Variants in GALNTL6 observed in about 807,000 individuals in gnomAD.
GALNTL6 encodes polypeptide N-acetylgalactosaminyltransferase-like 6.
In GALNTL6, 46 loss-of-function variants were observed where a neutral mutation model predicts 73.7. The ratio of observed to expected loss-of-function variants is 0.62; its 90% confidence interval spans 0.49 to 0.80. The LOEUF (loss-of-function observed/expected upper bound fraction) is 0.80. GALNTL6 is among the 30% of genes least tolerant of loss of function. The probability of loss-of-function intolerance (pLI) is 0.00; values close to 1 mark genes in which losing one functional copy is unlikely to be tolerated. For missense variants in GALNTL6, 604 were observed against 755.0 expected, an observed-to-expected ratio of 0.80 and a Z score of 2.34; for synonymous variants, 259 against 263.7, an observed-to-expected ratio of 0.98 and a Z score of 0.17.
chr4:172,767,014 A>C (rs934928539), intron 5 of GALNTL6, among the ~76,000 whole-genome samples: 4 of 152,230 alleles, frequency 2.6e-5, no homozygotes, highest in African/African-American at 4.8e-5. Flanking sequence ...AGAACCCAGA[A>C]CGATGTTCCT....
chr4:172,684,353 T>C (rs1252622227), intron 5 of GALNTL6, among the ~76,000 whole-genome samples: 1 of 152,182 alleles, frequency 6.6e-6, no homozygotes, highest in African/African-American at 2.4e-5. Context: ...ATTTGGCAAC[T>C]ACCCTATATG....
At chr4:172,475,445 A>T (rs1295248435) in intron 5 of GALNTL6, among the ~76,000 whole-genome samples, 1 of 152,178 alleles carries the variant, frequency 6.6e-6, no homozygotes, top group Non-Finnish European at 1.5e-5. Context: ...AGAAAAAAAA[A>T]AAAGCATTCC....
intron 3 of GALNTL6, among the ~76,000 whole-genome samples, chr4:172,303,406 A>C (rs768879472): frequency 8.5e-5 from 13 of 152,162 alleles, no homozygotes; most frequent in Non-Finnish European, 7.4e-5. Flanking sequence ...CTTTCTGGTT[A>C]TGTCTGTTAC....
intron 2 of GALNTL6, among the ~76,000 whole-genome samples, chr4:171,853,831 C>T (rs77619789): frequency 0.025 from 3,752 of 151,770 alleles, 141 homozygotes; most frequent in East Asian, 0.11. Flanking sequence ...AGGCTGGCCT[C>T]GAACTCCTGA....
chr4:172,612,685 AAAAATTCTCCT>A (rs1376900457), intron 5 of GALNTL6, among the ~76,000 whole-genome samples: 7 of 152,112 alleles, frequency 4.6e-5, no homozygotes, highest in Non-Finnish European at 1.0e-4. Flanking sequence ...CATGTAATGT[AAAAATTCTCCT>A]AAAATTTATT....
At chr4:172,286,856 T>C (rs1739275347) in intron 3 of GALNTL6, among the ~76,000 whole-genome samples, 1 of 152,180 alleles carries the variant, frequency 6.6e-6, no homozygotes, top group African/African-American at 2.4e-5. Flanking sequence ...TCCAGTGGTA[T>C]GTTCAGTAAG....
At chr4:172,847,023 A>G (rs1743549185) in intron 7 of GALNTL6, among the ~76,000 whole-genome samples, 1 of 152,096 alleles carries the variant, frequency 6.6e-6, no homozygotes, top group Admixed American at 6.6e-5. Flanking sequence ...TTTGAGGACT[A>G]CACACTGAAA....
intron 4 of GALNTL6, among the ~76,000 whole-genome samples, chr4:172,318,854 C>T (rs941693713): frequency 1.3e-5 from 2 of 152,028 alleles, no homozygotes; most frequent in African/African-American, 4.8e-5. Flanking sequence ...ATGGCTGCTT[C>T]AAAATCATGT....
At chr4:172,876,759 A>G (rs1745217372) in intron 7 of GALNTL6, among the ~76,000 whole-genome samples, 1 of 152,224 alleles carries the variant, frequency 6.6e-6, no homozygotes, top group Non-Finnish European at 1.5e-5. Flanking sequence ...CACTCTTTTC[A>G]AAATTCTAAT....
At chr4:172,478,767 C>T (rs1284915663) in intron 5 of GALNTL6, among the ~76,000 whole-genome samples, 1 of 152,076 alleles carries the variant, frequency 6.6e-6, no homozygotes, top group Non-Finnish European at 1.5e-5. Context: ...TGAAAAAAGA[C>T]TAATATCCAG....
intron 5 of GALNTL6, among the ~76,000 whole-genome samples, chr4:172,442,049 G>T (rs921242481): frequency 6.6e-6 from 1 of 152,192 alleles, no homozygotes; most frequent in Admixed American, 6.5e-5. Flanking sequence ...TTATTTATAA[G>T]AAATATATAT....
intron 5 of GALNTL6, among the ~76,000 whole-genome samples, chr4:172,560,633 C>T (rs1736320206): frequency 6.6e-6 from 1 of 152,156 alleles, no homozygotes; most frequent in Admixed American, 6.5e-5. Flanking sequence ...ACTTGACATT[C>T]CTGGGTAATT....
At chr4:172,942,724 G>A (rs1396595865) in intron 9 of GALNTL6, among the ~76,000 whole-genome samples, 3 of 152,126 alleles carry the variant, frequency 2.0e-5, no homozygotes, top group African/African-American at 7.2e-5. Context: ...GAAGCTGTAG[G>A]TGAAGGCACA....
intron 2 of GALNTL6, among the ~76,000 whole-genome samples, chr4:171,904,203 A>C (rs1175607011): frequency 2.0e-5 from 3 of 152,186 alleles, no homozygotes; most frequent in African/African-American, 7.2e-5. Context: ...TCCAAGCTAC[A>C]GGAGGACATT....
At chr4:172,016,760 A>AT (rs138991186) in intron 2 of GALNTL6, among the ~76,000 whole-genome samples, 47,813 of 151,510 alleles carry the variant, frequency 0.32, 8,217 homozygotes, top group Middle Eastern at 0.42. Flanking sequence ...TTTTAATTTA[A>AT]TTTTTTTATC....
At chr4:172,833,788 T>C (rs1010050915) in intron 7 of GALNTL6, among the ~76,000 whole-genome samples, 3 of 152,164 alleles carry the variant, frequency 2.0e-5, no homozygotes, top group Non-Finnish European at 1.5e-5. Flanking sequence ...AAAAACTTCT[T>C]TCCACAGAGA....
At chr4:172,662,213 A>G (rs937034860) in intron 5 of GALNTL6, among the ~76,000 whole-genome samples, 1 of 152,204 alleles carries the variant, frequency 6.6e-6, no homozygotes, top group East Asian at 1.9e-4. Flanking sequence ...AAGAGGGATC[A>G]TTTCTATACC....
intron 2 of GALNTL6, among the ~76,000 whole-genome samples, chr4:171,903,230 A>T (rs1422849231): frequency 6.6e-6 from 1 of 152,112 alleles, no homozygotes; most frequent in East Asian, 1.9e-4. Context: ...CATCTGAGGT[A>T]CCGGGTTCAT....
chr4:172,006,582 A>T (rs1242421057), intron 2 of GALNTL6, among the ~76,000 whole-genome samples: 1 of 152,088 alleles, frequency 6.6e-6, no homozygotes, highest in Non-Finnish European at 1.5e-5. Flanking sequence ...AGCCTTTATT[A>T]TGCTACCAAA....
Sources: allele counts gnomAD v4.1 joint callset (sites outside exome capture counted in the v4.1 genomes callset), GRCh38; gene constraint gnomAD v4.1.1; transcripts MANE v1.5; gene names NCBI Gene and HGNC (gene_info 2026-07-23, HGNC 2026-07-21).